Variants in EVA1A observed in about 807,000 individuals in gnomAD.
EVA1A encodes the protein protein eva-1 homolog A.
Under a neutral mutation model 9.8 loss-of-function variants are expected in EVA1A, and 7 were observed. The ratio of observed to expected loss-of-function variants is 0.71; its 90% CI spans 0.41 to 1.34. The LOEUF (loss-of-function observed/expected upper bound fraction) is 1.34, where lower values mean the gene tolerates loss of function less well. Among genes scored for constraint, EVA1A ranks in the 40% most tolerant of loss-of-function variants. EVA1A has a pLI of 0.01. For missense variants in EVA1A, 206 were observed against 205.9 expected (o/e 1.00, Z 0.00); for synonymous variants, 90 against 85.6 (o/e 1.05, Z -0.28).
chr2:75,525,783 A>G (rs1675412578), intron 1 of EVA1A, among the ~76,000 whole-genome samples: 1 of 152,218 alleles, frequency 6.6e-6, no homozygotes, highest in African/African-American at 2.4e-5. Flanking sequence ...AAGAAATGAT[A>G]TGGTCCTAGT....
chr2:75,551,998 T>C (rs1676539701), intron 1 of EVA1A, among the ~76,000 whole-genome samples: 2 of 152,078 alleles, frequency 1.3e-5, no homozygotes, highest in Admixed American at 6.6e-5. Context: ...CTGGTCAACA[T>C]AGTGAGACCC....
chr2:75,523,081 G>A (rs1430534201), intron 1 of EVA1A, among the ~76,000 whole-genome samples: 2 of 152,198 alleles, frequency 1.3e-5, no homozygotes, highest in Non-Finnish European at 2.9e-5. Flanking sequence ...CAGTCATGGA[G>A]CTCTGAGCAT....
chr2:75,524,072 C>G (rs1359233435), intron 1 of EVA1A: 9 of 152,808 alleles, frequency 5.9e-5, no homozygotes, highest in African/African-American at 2.2e-4. Context: ...CTCAGTACTT[C>G]TTGATGCTGC....
At chr2:75,566,802 A>G (rs1198658853) in intron 1 of EVA1A, among the ~76,000 whole-genome samples, 1 of 152,198 alleles carries the variant, frequency 6.6e-6, no homozygotes, top group Non-Finnish European at 1.5e-5. Flanking sequence ...AAACATATTC[A>G]CCATTTAAAA....
upstream of EVA1A, among the ~76,000 whole-genome samples, chr2:75,562,734 C>T (rs1483000953): frequency 6.6e-6 from 1 of 152,230 alleles, no homozygotes; most frequent in Non-Finnish European, 1.5e-5. Flanking sequence ...TTCCAGCAGG[C>T]ATATGGAGAG....
intron 3 of EVA1A, among the ~76,000 whole-genome samples, chr2:75,504,620 T>C (rs941883613): frequency 3.3e-5 from 5 of 152,132 alleles, no homozygotes; most frequent in African/African-American, 1.2e-4. Context: ...GTGTGCTCCT[T>C]TAAATTCACT....
intron 3 of EVA1A, among the ~76,000 whole-genome samples, chr2:75,515,200 C>T (rs186813950): frequency 6.6e-6 from 1 of 152,108 alleles, no homozygotes; most frequent in Non-Finnish European, 1.5e-5. Context: ...TTTAACTCTT[C>T]TTCATTAATG....
chr2:75,544,190 C>A (rs1676242667), intron 1 of EVA1A, among the ~76,000 whole-genome samples: 1 of 152,172 alleles, frequency 6.6e-6, no homozygotes. Flanking sequence ...CTGTTCGGAT[C>A]CATGCAAGTA....
intron 3 of EVA1A, among the ~76,000 whole-genome samples, chr2:75,505,002 A>C (rs141862347): frequency 2.5e-4 from 38 of 152,318 alleles, no homozygotes; most frequent in African/African-American, 8.7e-4. Flanking sequence ...CCCCTTCCAC[A>C]GGCAATAGGC....
intron 3 of EVA1A, among the ~76,000 whole-genome samples, chr2:75,501,693 T>C (rs535353455): frequency 1.3e-5 from 2 of 152,308 alleles, no homozygotes; most frequent in Admixed American, 1.3e-4. Flanking sequence ...CCACTTCTGC[T>C]ATAATGCCCT....
At chr2:75,542,788 C>T (rs1676178575) in intron 1 of EVA1A, 1 of 152,130 alleles carries the variant, frequency 6.6e-6, no homozygotes, top group African/African-American at 2.4e-5. Flanking sequence ...TAGGGAGACC[C>T]AAGAACTTGG....
At chr2:75,543,311 C>T (rs899686821) in intron 1 of EVA1A, among the ~76,000 whole-genome samples, 1 of 152,136 alleles carries the variant, frequency 6.6e-6, no homozygotes, top group Non-Finnish European at 1.5e-5. Flanking sequence ...ACCCAGTACA[C>T]CGGAGACATC....
chr2:75,513,866 G>A (rs552165864), intron 3 of EVA1A, among the ~76,000 whole-genome samples: 3 of 152,176 alleles, frequency 2.0e-5, no homozygotes, highest in Non-Finnish European at 4.4e-5. Context: ...TTCTTACTAT[G>A]TGGGTAAGAT....
intron 1 of EVA1A, among the ~76,000 whole-genome samples, chr2:75,550,607 T>G (rs1676488412): frequency 6.6e-6 from 1 of 152,244 alleles, no homozygotes; most frequent in Non-Finnish European, 1.5e-5. Context: ...TAACAACAAG[T>G]GATAAGTCAC....
rs397731706 is a variant in EVA1A at position 75,492,428 on chromosome 2, A to AC, written c.*807dup. 1 of 151,426 alleles carries AC rather than the reference A, an allele frequency of 6.6e-6. No individual in the cohort carries two copies. Among genetic ancestry groups the AC allele is most frequent in the Non-Finnish European group, 1.5e-5 (1 of 67,614 alleles). 9.4% of individuals were successfully genotyped at this position (151,426 alleles called of 1,614,324 possible). Reference sequence around the variant, plus strand: ...AATCCAATTAAAAAAAAAAAAAAAAACAAAGTGTTTAAAATCACAATTATC... The same window carrying AC: ...AATCCAATTAAAAAAAAAAAAAAAAACCAAAGTGTTTAAAATCACAATTATC... On this transcript the variant is annotated 3_prime_UTR_variant, in exon 4 of 4. Coordinates refer to ENST00000393913, the MANE Select transcript of EVA1A (RefSeq NM_001135032.2).
intron 3 of EVA1A, among the ~76,000 whole-genome samples, chr2:75,511,442 T>C (rs80328440): frequency 0.035 from 5,354 of 152,230 alleles, 190 homozygotes; most frequent in Admixed American, 0.07. Context: ...GAATAATACA[T>C]AGTTGTCTAA....
At chr2:75,514,485 T>C (rs567801103) in intron 3 of EVA1A, among the ~76,000 whole-genome samples, 23 of 152,250 alleles carry the variant, frequency 1.5e-4, no homozygotes, top group African/African-American at 5.5e-4. Flanking sequence ...TAATTCAAAA[T>C]ATAATATTTT....
At chr2:75,498,500 A>C (rs1159364332) in intron 3 of EVA1A, among the ~76,000 whole-genome samples, 7 of 152,240 alleles carry the variant, frequency 4.6e-5, no homozygotes, top group South Asian at 2.1e-4. Context: ...AAAAAACCCC[A>C]AAAAACAGAA....
intron 1 of EVA1A, among the ~76,000 whole-genome samples, chr2:75,525,095 A>G (rs1447908264): frequency 6.6e-6 from 1 of 151,734 alleles, no homozygotes; most frequent in African/African-American, 2.4e-5. Flanking sequence ...ATACATACAT[A>G]TATAAATATA....
Sources: allele counts gnomAD v4.1 joint callset (sites outside exome capture counted in the v4.1 genomes callset), GRCh38; gene constraint gnomAD v4.1.1; transcripts MANE v1.5; gene names NCBI Gene and HGNC (gene_info 2026-07-23, HGNC 2026-07-21).